DCC: variants seen among roughly 807,000 people sequenced by gnomAD.
DCC encodes the protein DCC netrin 1 receptor.
In DCC, 58 loss-of-function variants were observed where a neutral mutation model predicts 172.5. The ratio of observed to expected loss-of-function variants is 0.34; its 90% CI spans 0.27 to 0.42. The LOEUF (loss-of-function observed/expected upper bound fraction) is 0.42. Ranked by LOEUF, DCC falls within the 10% of genes least tolerant of loss-of-function variation. The pLI is 1.00. For missense variants in DCC, 1,740 were observed against 1,791.0 expected (o/e 0.97, Z 0.51); for synonymous variants, 709 against 644.5 (o/e 1.10, Z -1.52).
chr18:52,601,211 A>G (rs2034011394), intron 1 of DCC, among the ~76,000 whole-genome samples: 1 of 152,018 alleles, frequency 6.6e-6, no homozygotes, highest in Admixed American at 6.6e-5. Flanking sequence ...GAGTTAATTT[A>G]TGTTTACTTA....
At chr18:52,982,331 C>G (rs749361507) in intron 5 of DCC, among the ~76,000 whole-genome samples, 1 of 152,092 alleles carries the variant, frequency 6.6e-6, no homozygotes, top group African/African-American at 2.4e-5. Context: ...GTAATGAGGG[C>G]AATGCAGCAG....
intron 1 of DCC, among the ~76,000 whole-genome samples, chr18:52,553,776 T>C (rs2032839551): frequency 6.6e-6 from 1 of 151,986 alleles, no homozygotes; most frequent in Non-Finnish European, 1.5e-5. Context: ...AATAGGAGTT[T>C]TCCATATGGA....
intron 1 of DCC, among the ~76,000 whole-genome samples, chr18:52,495,080 G>T (rs1273531511): frequency 6.6e-6 from 1 of 152,010 alleles, no homozygotes; most frequent in Non-Finnish European, 1.5e-5. Context: ...TCAACCAAGA[G>T]CCTACTAAGA....
intron 1 of DCC, among the ~76,000 whole-genome samples, chr18:52,390,133 AG>A (rs984872747): frequency 6.6e-6 from 1 of 152,086 alleles, no homozygotes; most frequent in Non-Finnish European, 1.5e-5. Flanking sequence ...GATCTGTAAT[AG>A]GGGAAACATT....
chr18:53,162,510 C>T (rs868552919), intron 8 of DCC, among the ~76,000 whole-genome samples: 6 of 152,138 alleles, frequency 3.9e-5, no homozygotes, highest in Non-Finnish European at 7.3e-5. Flanking sequence ...CTGTTTTTCT[C>T]ATTCACAGAA....
At position 53,063,257 on chromosome 18, in the gene DCC, G is replaced by A. The variant is rs376145674; in HGVS notation, c.986-48G>A. 3.4e-4 allele frequency: 544 copies of A among 1,595,028 alleles called. 1 individual carries two copies. The highest frequency in any genetic ancestry group is 2.2e-3 in the Middle Eastern group (13 of 6,020). On this transcript the variant is annotated intron_variant, in intron 5 of 28. Coordinates refer to ENST00000442544, the MANE Select transcript of DCC (RefSeq NM_005215.4). ...CAGTGAAGACCTCAGCAGCATGCAA[G>A]TTCACATCCCCACCCACTCACTCAC...
At chr18:52,659,421 T>C (rs2144943644) in intron 1 of DCC, among the ~76,000 whole-genome samples, 1 of 152,270 alleles carries the variant, frequency 6.6e-6, no homozygotes, top group Middle Eastern at 3.4e-3. Context: ...GACTTTAAGC[T>C]GAATCTCTTA....
At chr18:53,152,777 G>A (rs1269036245) in intron 7 of DCC, among the ~76,000 whole-genome samples, 1 of 152,226 alleles carries the variant, frequency 6.6e-6, no homozygotes, top group Non-Finnish European at 1.5e-5. Flanking sequence ...GCAAGTTACT[G>A]TTGAGAGAAA....
At chr18:52,449,963 G>A (rs550547402) in intron 1 of DCC, among the ~76,000 whole-genome samples, 1 of 151,884 alleles carries the variant, frequency 6.6e-6, no homozygotes, top group Non-Finnish European at 1.5e-5. Flanking sequence ...CCCAGTCTTG[G>A]GTATGTCTTT....
At chr18:53,003,328 T>C (rs1480596694) in intron 5 of DCC, among the ~76,000 whole-genome samples, 1 of 152,188 alleles carries the variant, frequency 6.6e-6, no homozygotes, top group Non-Finnish European at 1.5e-5. Context: ...AAGAGGTCCC[T>C]TCCTCTTGGA....
intron 1 of DCC, among the ~76,000 whole-genome samples, chr18:52,658,417 C>T (rs555502697): frequency 1.3e-5 from 2 of 152,198 alleles, no homozygotes; most frequent in Admixed American, 1.3e-4. Flanking sequence ...TTACATAAAA[C>T]TTTTAATCTA....
chr18:52,630,929 C>A (rs1315986515), intron 1 of DCC, among the ~76,000 whole-genome samples: 1 of 152,118 alleles, frequency 6.6e-6, no homozygotes, highest in African/African-American at 2.4e-5. Flanking sequence ...AAATACACAC[C>A]TCGAGTACTA....
intron 15 of DCC, among the ~76,000 whole-genome samples, chr18:53,367,428 G>A (rs1041082942): frequency 1.3e-5 from 2 of 152,050 alleles, no homozygotes; most frequent in East Asian, 3.9e-4. Context: ...GAGCACCCAG[G>A]AAGTTTTGAA....
At chr18:52,465,974 A>G (rs1014802671) in intron 1 of DCC, among the ~76,000 whole-genome samples, 2 of 152,192 alleles carry the variant, frequency 1.3e-5, no homozygotes, top group Non-Finnish European at 2.9e-5. Context: ...AAATGTGCTT[A>G]TTTCTCCAAG....
At chr18:53,235,090 T>C (rs2056182018) in intron 12 of DCC, among the ~76,000 whole-genome samples, 2 of 152,236 alleles carry the variant, frequency 1.3e-5, no homozygotes, top group African/African-American at 2.4e-5. Flanking sequence ...GCATCAAATG[T>C]CATTATTTCA....
chr18:52,404,283 A>G (rs914365430), intron 1 of DCC, among the ~76,000 whole-genome samples: 1 of 151,938 alleles, frequency 6.6e-6, no homozygotes, highest in African/African-American at 2.4e-5. Context: ...TCATTGAGCA[A>G]CTCTTCCTTC....
At chr18:52,646,794 T>A (rs1395310785) in intron 1 of DCC, among the ~76,000 whole-genome samples, 1 of 152,178 alleles carries the variant, frequency 6.6e-6, no homozygotes, top group Non-Finnish European at 1.5e-5. Context: ...ACCAGGATGC[T>A]CATCAAACCT....
In DCC at chr18:52,696,030, C is replaced by A. The variant is rs558207709; in HGVS notation, c.92-56024C>A. Among the ~76,000 whole-genome samples the A allele has an allele frequency of 3.3e-5, 5 of 152,292 alleles. No individual in the cohort carries two copies. The South Asian group carries it at 1.0e-3, about 32-fold the overall frequency. On this transcript the variant is annotated intron_variant, in intron 1 of 28. Transcript: ENST00000442544. Reference sequence around the variant, plus strand: ...GAGCATTGAATGAATGTATTGTTAGCAGCTTAAAGTTAATTTTGGAAGAAA... The same window carrying A: ...GAGCATTGAATGAATGTATTGTTAGAAGCTTAAAGTTAATTTTGGAAGAAA...
chr18:52,393,503 A>G (rs977544319), intron 1 of DCC, among the ~76,000 whole-genome samples: 4 of 152,144 alleles, frequency 2.6e-5, no homozygotes, highest in African/African-American at 9.6e-5. Flanking sequence ...TAATCACAAC[A>G]AAGTTTGAGG....
Sources: gnomAD v4.1 joint callset for allele counts (sites outside exome capture counted in the v4.1 genomes callset) on GRCh38, gnomAD v4.1.1 for gene constraint, MANE v1.5 for transcripts, NCBI Gene and HGNC (gene_info 2026-07-23, HGNC 2026-07-21) for gene names.